Variants in PUDP observed in about 807,000 individuals in gnomAD.
The protein encoded by PUDP is pseudouridine 5'-phosphatase.
A neutral mutation model predicts 9.4 loss-of-function variants in PUDP; 8 were observed. The ratio of observed to expected loss-of-function variants is 0.85; its 90% CI spans 0.50 to 1.53. The LOEUF (loss-of-function observed/expected upper bound fraction) is 1.53, where lower values mean the gene tolerates loss of function less well. Among genes scored for constraint, PUDP ranks in the 40% most tolerant of loss-of-function variants. The probability of loss-of-function intolerance (pLI) is 0.00; values close to 1 mark genes in which losing one functional copy is unlikely to be tolerated. For missense variants in PUDP, 188 were observed against 189.7 expected (o/e 0.99, Z 0.05); for synonymous variants, 99 against 80.7 (o/e 1.23, Z -1.22).
intron 3 of PUDP, among the ~76,000 whole-genome samples, chrX:6,799,539 A>C (rs1382728257): frequency 1.8e-5 from 2 of 112,218 alleles, no homozygotes; most frequent in Non-Finnish European, 3.8e-5. Flanking sequence ...GCAGAGCAAG[A>C]CTATTTATTT....
intron 3 of PUDP, among the ~76,000 whole-genome samples, chrX:7,061,596 G>A (rs1187763497): frequency 2.0e-4 from 5 of 24,871 alleles, no homozygotes; most frequent in African/African-American, 4.9e-4. Flanking sequence ...CCCCACCCCC[G>A]CTGCCTGGAA....
chrX:6,880,311 T>C (rs928630945), intron 3 of PUDP, among the ~76,000 whole-genome samples: 2 of 110,916 alleles, frequency 1.8e-5, no homozygotes, highest in Non-Finnish European at 3.8e-5. Context: ...TGACTTTGCG[T>C]CCTCATAGCT....
chrX:7,082,778 G>A (rs1206777083), intron 2 of PUDP, among the ~76,000 whole-genome samples: 1 of 112,562 alleles, frequency 8.9e-6, no homozygotes, highest in Non-Finnish European at 1.9e-5. Flanking sequence ...CATGGGGAAG[G>A]TGCTTTGGCA....
chrX:6,854,407 T>C (rs1483459599), intron 3 of PUDP, among the ~76,000 whole-genome samples: 3 of 112,148 alleles, frequency 2.7e-5, no homozygotes, highest in African/African-American at 9.7e-5. Flanking sequence ...CTGTGTAATT[T>C]TGTCGAATTT....
upstream of PUDP, among the ~76,000 whole-genome samples, chrX:6,723,683 A>AAAAC (rs1158564840): frequency 6.9e-4 from 74 of 107,939 alleles, no homozygotes; most frequent in African/African-American, 2.3e-3. Flanking sequence ...AAAACAAAAC[A>AAAAC]AAACAAAACA....
At chrX:6,946,045 C>T (rs973590977) in intron 3 of PUDP, among the ~76,000 whole-genome samples, 5 of 111,316 alleles carry the variant, frequency 4.5e-5, no homozygotes, top group Non-Finnish European at 7.5e-5. Flanking sequence ...ACCAACCGCC[C>T]GATGCTGCCC....
At chrX:7,053,602 G>T (rs1293451099) in intron 3 of PUDP, among the ~76,000 whole-genome samples, 2 of 111,950 alleles carry the variant, frequency 1.8e-5, no homozygotes, top group Non-Finnish European at 3.8e-5. Flanking sequence ...TTCACCTTCT[G>T]CCATGATTGT....
intron 3 of PUDP, among the ~76,000 whole-genome samples, chrX:6,733,088 G>A (rs1924829850): frequency 8.9e-6 from 1 of 112,594 alleles, no homozygotes; most frequent in Non-Finnish European, 1.9e-5. Flanking sequence ...GGCCTGTGCT[G>A]ACTCCAGCCT....
chrX:6,826,648 T>A (rs149453619), intron 3 of PUDP, among the ~76,000 whole-genome samples: 1 of 112,328 alleles, frequency 8.9e-6, no homozygotes, highest in Non-Finnish European at 1.9e-5. Context: ...GAAGAAAATG[T>A]CAAGAACCTT....
At chrX:7,130,821 G>A (rs1338766979) in intron 1 of PUDP, among the ~76,000 whole-genome samples, 1 of 111,842 alleles carries the variant, frequency 8.9e-6, no homozygotes, top group Non-Finnish European at 1.9e-5. Flanking sequence ...GGGAGGCAGA[G>A]GTTGCAATGA....
intron 3 of PUDP, among the ~76,000 whole-genome samples, chrX:6,888,178 TCC>T (rs1927457678): frequency 9.0e-6 from 1 of 111,216 alleles, no homozygotes; most frequent in African/African-American, 3.3e-5. Flanking sequence ...TAAGAATAAT[TCC>T]TGGAAGTTGC....
At chrX:7,112,857 C>T (rs1357947752) in intron 1 of PUDP, 1 of 111,225 alleles carries the variant, frequency 9.0e-6, no homozygotes, top group Non-Finnish European at 1.9e-5. Flanking sequence ...GAGACACGGT[C>T]TCCCTATGTT....
At chrX:7,144,870 G>A (rs1307288304) in intron 1 of PUDP, among the ~76,000 whole-genome samples, 1 of 111,784 alleles carries the variant, frequency 8.9e-6, no homozygotes, top group Non-Finnish European at 1.9e-5. Context: ...AAATAATTCT[G>A]TATTAGACTC....
At chrX:6,824,511 A>G (rs1370267985) in intron 3 of PUDP, among the ~76,000 whole-genome samples, 1 of 111,323 alleles carries the variant, frequency 9.0e-6, no homozygotes, top group East Asian at 2.8e-4. Flanking sequence ...TACTCAGCCC[A>G]TACTCAAGAT....
At chrX:7,019,626 C>A (rs1300814920) in intron 1 of PUDP, among the ~76,000 whole-genome samples, 1 of 111,850 alleles carries the variant, frequency 8.9e-6, no homozygotes, top group Non-Finnish European at 1.9e-5. Context: ...AAGACCACCT[C>A]TGCTAGCTTG....
At chrX:7,066,903 GCGCA>G (rs1215638471) in intron 3 of PUDP, among the ~76,000 whole-genome samples, 4 of 111,142 alleles carry the variant, frequency 3.6e-5, no homozygotes, top group African/African-American at 6.6e-5. Context: ...GCACATGCAT[GCGCA>G]CACACACACA....
rs1196448080 is a variant in PUDP, at chrX:6,734,563, A to G, written c.*248-28097T>C. On this transcript the variant is annotated intron_variant and NMD_transcript_variant, in intron 3 of 3. Coordinates refer to the PUDP transcript ENST00000655425. ...CGAGGAGGAAGGATCGCTTGAGCCC[A>G]GGAGTTGAAGATGAGTCTGGGCAAT... Among the ~76,000 whole-genome samples the G allele has an allele frequency of 2.7e-5, 3 of 111,844 alleles. No homozygotes were observed. The East Asian group carries it at 8.4e-4, about 31-fold the overall frequency.
At chrX:7,083,658 T>C (rs779302238) in intron 2 of PUDP, among the ~76,000 whole-genome samples, 2 of 110,724 alleles carry the variant, frequency 1.8e-5, no homozygotes, top group African/African-American at 6.6e-5. Context: ...CTCAGCACTT[T>C]GGGAGGCCGA....
chrX:6,741,832 T>TC (rs1924941989), intron 3 of PUDP, among the ~76,000 whole-genome samples: 1 of 92,303 alleles, frequency 1.1e-5, no homozygotes, highest in African/African-American at 4.5e-5. Context: ...CTCTCTCTCT[T>TC]TCTTTCTTTC....
Sources: gnomAD v4.1 joint callset for allele counts (sites outside exome capture counted in the v4.1 genomes callset) on GRCh38, gnomAD v4.1.1 for gene constraint, MANE v1.5 for transcripts, NCBI Gene and HGNC (gene_info 2026-07-23, HGNC 2026-07-21) for gene names.